Variants in DAOA observed in about 807,000 individuals in gnomAD.
DAOA encodes the protein D-amino acid oxidase activator.
Under a neutral mutation model 16.4 loss-of-function variants are expected in DAOA, and 15 were observed. The observed-to-expected ratio is 0.91, with a 90% CI of 0.61 to 1.41. The LOEUF is 1.41. Ranked by LOEUF, DAOA falls within the 40% of genes most tolerant of loss-of-function variation. The pLI, the probability that DAOA is intolerant of heterozygous loss-of-function variation, is 0.00. For missense variants in DAOA, 230 were observed against 176.8 expected (o/e 1.30, Z -1.71); for synonymous variants, 75 against 59.1 (o/e 1.27, Z -1.23).
At chr13:105,473,757 C>A (rs978466358) in intron 4 of DAOA, among the ~76,000 whole-genome samples, 1 of 152,010 alleles carries the variant, frequency 6.6e-6, no homozygotes, top group Non-Finnish European at 1.5e-5. Context: ...TATAGTTTAT[C>A]GGTGTGAAGC....
At chr13:105,485,848 A>G (rs911067947) in intron 4 of DAOA, among the ~76,000 whole-genome samples, 1 of 152,230 alleles carries the variant, frequency 6.6e-6, no homozygotes, top group Non-Finnish European at 1.5e-5. Flanking sequence ...GACATTGAAC[A>G]GATTTTCCCC....
intron 4 of DAOA, among the ~76,000 whole-genome samples, chr13:105,474,024 T>C (rs1877171119): frequency 6.6e-6 from 1 of 152,160 alleles, no homozygotes; most frequent in Non-Finnish European, 1.5e-5. Flanking sequence ...AGTTAGACTG[T>C]ACCATTCTAT....
intron 4 of DAOA, among the ~76,000 whole-genome samples, chr13:105,487,651 T>A (rs1262396511): frequency 6.6e-6 from 1 of 151,310 alleles, no homozygotes; most frequent in Non-Finnish European, 1.5e-5. Flanking sequence ...GAGTAAATAA[T>A]CATTATTTGA....
intron 3 of DAOA, among the ~76,000 whole-genome samples, chr13:105,468,444 C>T (rs1384875598): frequency 3.3e-5 from 5 of 152,192 alleles, no homozygotes; most frequent in African/African-American, 1.2e-4. Flanking sequence ...AGATGCTCAT[C>T]TTACTTTTAA....
chr13:105,468,784 G>T (rs1007510680), intron 3 of DAOA, among the ~76,000 whole-genome samples: 4 of 152,168 alleles, frequency 2.6e-5, no homozygotes. Flanking sequence ...CCATGCCTTG[G>T]AACACTATTC....
chr13:105,472,738 T>A (rs1877059382), intron 4 of DAOA, 53 bp downstream of exon 4: 1 of 1,532,812 alleles, frequency 6.5e-7, no homozygotes, highest in African/African-American at 1.4e-5. Flanking sequence ...TAAATGCTAA[T>A]GTTGGAACTT....
intron 4 of DAOA, among the ~76,000 whole-genome samples, chr13:105,474,814 A>G (rs970055706): frequency 6.6e-6 from 1 of 152,134 alleles, no homozygotes; most frequent in African/African-American, 2.4e-5. Flanking sequence ...GAATAGTTGA[A>G]GGAGTGTTTT....
In DAOA at chr13:105,467,046, T is replaced by A; in HGVS notation, c.45-7T>A. On this transcript the variant is annotated splice_polypyrimidine_tract_variant and splice_region_variant and intron_variant, in intron 2 of 5. Coordinates refer to ENST00000375936, the MANE Select transcript of DAOA (RefSeq NM_172370.5). ...TGAACACGACTGATATTTTCTTTAA[T>A]TTTTAGATCCAGATATACATTGGGT... 6.2e-7 allele frequency: 1 copy of A among 1,607,768 alleles called. No homozygotes were observed. Among genetic ancestry groups the A allele is most frequent in the Non-Finnish European group, 8.5e-7 (1 of 1,177,600 alleles).
At chr13:105,468,223 T>G (rs1443287820) in intron 3 of DAOA, among the ~76,000 whole-genome samples, 1 of 152,104 alleles carries the variant, frequency 6.6e-6, no homozygotes, top group Non-Finnish European at 1.5e-5. Flanking sequence ...GTCGTTAACA[T>G]TAATTACATC....
intron 3 of DAOA, among the ~76,000 whole-genome samples, chr13:105,471,040 G>A (rs946324257): frequency 2.0e-5 from 3 of 151,948 alleles, no homozygotes; most frequent in Non-Finnish European, 2.9e-5. Flanking sequence ...CGCCCGCCTC[G>A]GCCTCCCAAA....
chr13:105,478,723 A>T (rs9558565), intron 4 of DAOA, among the ~76,000 whole-genome samples: 45,945 of 151,972 alleles, frequency 0.3, 7,915 homozygotes, highest in East Asian at 0.57. Flanking sequence ...AAATAATTTT[A>T]TTTTAATGGC....
At chr13:105,466,679 G>A (rs1396715398) in intron 2 of DAOA, among the ~76,000 whole-genome samples, 1 of 152,094 alleles carries the variant, frequency 6.6e-6, no homozygotes, top group Middle Eastern at 3.2e-3. Context: ...CTAATTGTTT[G>A]CTCACAGGAA....
intron 4 of DAOA, among the ~76,000 whole-genome samples, chr13:105,478,734 G>A (rs905150797): frequency 1.4e-4 from 21 of 152,010 alleles, no homozygotes; most frequent in South Asian, 4.2e-4. Flanking sequence ...TTTTAATGGC[G>A]GAGACTCTGA....
At chr13:105,475,485 T>C (rs1557072) in intron 4 of DAOA, among the ~76,000 whole-genome samples, 146,481 of 152,226 alleles carry the variant, frequency 0.96, 70,563 homozygotes, top group East Asian at 1. Context: ...AAAATGGTTC[T>C]CTTGTCAGAG....
Position 105,472,608 on chromosome 13 carries a change from C to T in DAOA, c.204C>T (p.Gly68=), listed in dbSNP as rs765289215. Residue 68 remains glycine (G), a synonymous_variant, in exon 4 of 6, where the codon GGC becomes GGT. Transcript: ENST00000375936. ...GATGGAAGAGAAGGCATGAGGACGG[C>T]TATTTGGAAATGGCACAGAGGCATT... ...KEGWKRRHED[G]YLEMAQRHLQ... 2 of 1,614,028 alleles carry T rather than the reference C, an allele frequency of 1.2e-6. No homozygotes were observed. Among genetic ancestry groups the T allele is most frequent in the East Asian group, 2.2e-5 (1 of 44,858 alleles).
At chr13:105,467,974 C>A (rs112173054) in intron 3 of DAOA, among the ~76,000 whole-genome samples, 1 of 152,178 alleles carries the variant, frequency 6.6e-6, no homozygotes, top group African/African-American at 2.4e-5. Context: ...GGGCTGCATG[C>A]CTTCTGGAGG....
At chr13:105,480,081 A>C (rs1305360799) in intron 4 of DAOA, among the ~76,000 whole-genome samples, 1 of 152,202 alleles carries the variant, frequency 6.6e-6, no homozygotes, top group African/African-American at 2.4e-5. Flanking sequence ...TCAATGACAA[A>C]ATATTTAATA....
intron 2 of DAOA, 158 bp from the exon 3 acceptor site, chr13:105,466,895 A>T (rs932872739): frequency 2.0e-6 from 2 of 1,023,724 alleles, no homozygotes; most frequent in East Asian, 6.9e-5. Flanking sequence ...ATCTATAAAA[A>T]TAAAAAAATA....
chr13:105,479,550 G>A (rs866855529), intron 4 of DAOA, among the ~76,000 whole-genome samples: 7 of 152,100 alleles, frequency 4.6e-5, no homozygotes, highest in South Asian at 4.1e-4. Flanking sequence ...CCGGCAATGC[G>A]CCACCTTCCT....
Sources: allele counts gnomAD v4.1 joint callset (sites outside exome capture counted in the v4.1 genomes callset), GRCh38; gene constraint gnomAD v4.1.1; transcripts MANE v1.5; gene names NCBI Gene and HGNC (gene_info 2026-07-23, HGNC 2026-07-21).